KCNH8: variants seen among roughly 807,000 people sequenced by gnomAD.
KCNH8 encodes the protein voltage-gated delayed rectifier potassium channel KCNH8.
Under a neutral mutation model 103.6 loss-of-function variants are expected in KCNH8, and 70 were observed. That is an observed-to-expected ratio of 0.68 (90% CI 0.56 to 0.82). The LOEUF (loss-of-function observed/expected upper bound fraction) is 0.82, where lower values mean the gene tolerates loss of function less well. KCNH8 is among the 40% of genes least tolerant of loss of function. KCNH8 has a pLI of 0.00. For missense variants in KCNH8, 1,217 were observed against 1,329.9 expected, an observed-to-expected ratio of 0.92 and a Z score of 1.32; for synonymous variants, 498 against 489.4, an observed-to-expected ratio of 1.02 and a Z score of -0.23.
intron 3 of KCNH8, among the ~76,000 whole-genome samples, chr3:19,332,524 G>A: frequency 6.6e-6 from 1 of 151,978 alleles, no homozygotes; most frequent in Non-Finnish European, 1.5e-5. Context: ...CATTTCTCTG[G>A]GATAATTGCC....
chr3:19,315,761 T>A (rs977631098), intron 3 of KCNH8, among the ~76,000 whole-genome samples: 31 of 152,014 alleles, frequency 2.0e-4, no homozygotes, highest in African/African-American at 7.2e-4. Context: ...TTATCTTAGA[T>A]ATTACTGAGA....
intron 11 of KCNH8, among the ~76,000 whole-genome samples, chr3:19,487,092 G>T (rs185497558): frequency 1.3e-5 from 2 of 152,162 alleles, no homozygotes; most frequent in South Asian, 4.1e-4. Context: ...GGAAACTTTT[G>T]CAGGTCTTGA....
intron 3 of KCNH8, among the ~76,000 whole-genome samples, chr3:19,310,005 G>A (rs1283767314): frequency 6.6e-6 from 1 of 151,820 alleles, no homozygotes; most frequent in Non-Finnish European, 1.5e-5. Context: ...GGAAGCTCCT[G>A]GGAGGAAAAG....
At chr3:19,335,215 A>G (rs1190722103) in intron 3 of KCNH8, among the ~76,000 whole-genome samples, 1 of 151,772 alleles carries the variant, frequency 6.6e-6, no homozygotes, top group Non-Finnish European at 1.5e-5. Context: ...TTACTGAGTT[A>G]TATGTAAAAT....
At chr3:19,426,516 C>G (rs1360470715) in intron 7 of KCNH8, among the ~76,000 whole-genome samples, 1 of 150,778 alleles carries the variant, frequency 6.6e-6, no homozygotes, top group Non-Finnish European at 1.5e-5. Flanking sequence ...CTAGAAATAA[C>G]TTTCTGATAA....
At chr3:19,380,331 T>G (rs2066271860) in intron 5 of KCNH8, among the ~76,000 whole-genome samples, 2 of 152,354 alleles carry the variant, frequency 1.3e-5, no homozygotes, top group South Asian at 4.1e-4. Flanking sequence ...GTGACTCTTT[T>G]GATAGTGTAT....
intron 3 of KCNH8, among the ~76,000 whole-genome samples, chr3:19,340,814 C>G (rs983127413): frequency 5.9e-5 from 9 of 152,124 alleles, no homozygotes; most frequent in African/African-American, 2.2e-4. Context: ...CAAATCCATA[C>G]AGGTCTGCAG....
Position 19,320,844 on chromosome 3 carries a change from C to T in KCNH8, c.443-21743C>T, listed in dbSNP as rs116844180. 1.2e-3 allele frequency among the ~76,000 whole-genome samples: 188 copies of T among 151,558 alleles called. 5 individuals are homozygous for T. In the East Asian group the frequency reaches 0.032, roughly 26 times the overall value. ...TTTTTGTTGGTAACTTTAAAATTAC[C>T]GTTTCAGTCTCTCTGCTTGTTACTG... On this transcript the variant is annotated intron_variant, in intron 3 of 15. Transcript: ENST00000328405.
chr3:19,174,347 A>G (rs2063377320), intron 1 of KCNH8, among the ~76,000 whole-genome samples: 1 of 152,214 alleles, frequency 6.6e-6, no homozygotes, highest in Non-Finnish European at 1.5e-5. Context: ...AAACACAAAT[A>G]TGGCAGTTTC....
intron 3 of KCNH8, among the ~76,000 whole-genome samples, chr3:19,301,287 A>T (rs928773399): frequency 2.7e-5 from 4 of 150,724 alleles, no homozygotes; most frequent in African/African-American, 9.7e-5. Context: ...ATCCATTTTT[A>T]AAATGTTACA....
chr3:19,395,716 C>A (rs535045389), intron 7 of KCNH8, among the ~76,000 whole-genome samples: 1 of 151,900 alleles, frequency 6.6e-6, no homozygotes, highest in Non-Finnish European at 1.5e-5. Flanking sequence ...TTTGAGGTGG[C>A]GTATTAATAG....
intron 3 of KCNH8, among the ~76,000 whole-genome samples, chr3:19,338,480 T>G (rs889071587): frequency 6.6e-6 from 1 of 152,086 alleles, no homozygotes; most frequent in Non-Finnish European, 1.5e-5. Flanking sequence ...ATTATTGTCC[T>G]TTTTGTGGTG....
intron 3 of KCNH8, among the ~76,000 whole-genome samples, chr3:19,308,571 T>C (rs2065159926): frequency 6.6e-6 from 1 of 151,626 alleles, no homozygotes; most frequent in Non-Finnish European, 1.5e-5. Flanking sequence ...CCAGCAGAAG[T>C]GTTCAAATAC....
rs747294264 is a variant in KCNH8, at chr3:19,290,155, ATG to A, written c.442+8827_442+8828del. Among the ~76,000 whole-genome samples the A allele has an allele frequency of 1.4e-4, 22 of 152,290 alleles. No homozygotes were observed. In the East Asian group the frequency reaches 4.0e-3, roughly 28 times the overall value. ...CTTAAGGAGATTTTGGGCTGAGACA[ATG>A]GGGTTTTCTAGATATACAATCATGT... On this transcript the variant is annotated intron_variant, in intron 3 of 15. Transcript: ENST00000328405.
intron 3 of KCNH8, among the ~76,000 whole-genome samples, chr3:19,310,887 AT>A (rs2065199060): frequency 6.6e-6 from 1 of 151,902 alleles, no homozygotes; most frequent in Non-Finnish European, 1.5e-5. Flanking sequence ...TGGGAGAATT[AT>A]CCATGCACAG....
intron 1 of KCNH8, among the ~76,000 whole-genome samples, chr3:19,215,565 C>G (rs886649684): frequency 3.3e-5 from 5 of 152,144 alleles, no homozygotes; most frequent in African/African-American, 1.2e-4. Context: ...TTCCATGATC[C>G]CAGCTTATGT....
chr3:19,242,248 C>T (rs554020608), intron 1 of KCNH8, among the ~76,000 whole-genome samples: 1 of 152,148 alleles, frequency 6.6e-6, no homozygotes, highest in Admixed American at 6.5e-5. Flanking sequence ...TAACCAAAAG[C>T]AGGTGTTAAA....
At chr3:19,246,486 A>G (rs1165197083) in intron 1 of KCNH8, among the ~76,000 whole-genome samples, 1 of 151,974 alleles carries the variant, frequency 6.6e-6, no homozygotes, top group Non-Finnish European at 1.5e-5. Context: ...CATGTTGGCC[A>G]GGATGGTCTC....
At chr3:19,223,414 A>T (rs1010667815) in intron 1 of KCNH8, among the ~76,000 whole-genome samples, 15 of 152,182 alleles carry the variant, frequency 9.9e-5, no homozygotes, top group Non-Finnish European at 2.1e-4. Flanking sequence ...TCAGCCTCTA[A>T]TAAAATAGTT....
Sources: allele counts gnomAD v4.1 joint callset (sites outside exome capture counted in the v4.1 genomes callset), GRCh38; gene constraint gnomAD v4.1.1; transcripts MANE v1.5; gene names NCBI Gene and HGNC (gene_info 2026-07-23, HGNC 2026-07-21).